PPL: variants seen among roughly 807,000 people sequenced by gnomAD.
The protein encoded by PPL is 190 kDa paraneoplastic pemphigus antigen.
PPL carries 198 observed loss-of-function variants against 194.4 expected under a neutral mutation model. That is an observed-to-expected ratio of 1.02 (90% CI 0.91 to 1.15). The LOEUF (loss-of-function observed/expected upper bound fraction) is 1.15. Ranked by LOEUF, PPL falls within the 50% of genes most tolerant of loss-of-function variation. The pLI, the probability that PPL is intolerant of heterozygous loss-of-function variation, is 0.00. For synonymous variants in PPL, 1,220 were observed against 972.4 expected, an observed-to-expected ratio of 1.25 and a Z score of -4.74; for missense variants, 2,885 against 2,294.8, an observed-to-expected ratio of 1.26 and a Z score of -5.25.
Position 4,904,012 on chromosome 16 carries a change from T to C in PPL, c.191A>G (p.Gln64Arg). The C allele has an allele frequency of 6.2e-7, 1 of 1,612,872 alleles. No homozygotes were observed. Among genetic ancestry groups the C allele is most frequent in the Non-Finnish European group, 8.5e-7 (1 of 1,179,944 alleles). ...SDLARLQEGR[Q>R]PEHRDVTLQK... ...CAGGGTCACGTCCCGGTGCTCAGGC[T>C]GCCGACCCTCCTGCAGCCGAGCCAG... Residue 64 changes from glutamine to arginine, a missense_variant, in exon 3 of 22, where the codon CAG becomes CGG. Gln to Arg is a conservative substitution (Grantham distance 43, BLOSUM62 1). Coordinates refer to ENST00000345988, the MANE Select transcript of PPL (RefSeq NM_002705.5).
intron 6 of PPL, 118 bp from the exon 7 acceptor site, chr16:4,899,502 G>GTGGCCTGAGGACAAGCCCAGCTATGGT: frequency 7.2e-7 from 1 of 1,389,802 alleles, no homozygotes; most frequent in Non-Finnish European, 9.6e-7. Context: ...CCAGCTATGG[G>GTGGCCTGAGGACAAGCCCAGCTATGGT]TGGCCTGAGG....
At chr16:4,888,696 ATGT>A (rs1457913777) in intron 19 of PPL, 4 of 458,460 alleles carry the variant, frequency 8.7e-6, no homozygotes, top group Non-Finnish European at 1.5e-5. Flanking sequence ...TGTTGCAACA[ATGT>A]TGTTTATCCT....
intron 11 of PPL, 139 bp from the exon 12 acceptor site, chr16:4,894,757 G>T: frequency 1.1e-6 from 1 of 945,966 alleles, no homozygotes. Flanking sequence ...GTGGGGAGGG[G>T]CATGCAGGAG....
intron 1 of PPL, among the ~76,000 whole-genome samples, chr16:4,924,442 CCA>C (rs1268625875): frequency 2.0e-5 from 3 of 152,144 alleles, no homozygotes; most frequent in African/African-American, 7.2e-5. Flanking sequence ...CCCGCAGTGA[CCA>C]CAGTCTCTCA....
In PPL at chr16:4,883,145, G is replaced by T; in HGVS notation, c.*239C>A. The stretch of plus-strand genomic sequence containing the variant: ...AAAGGGAGGAAAAGGCATCGCAGTT[G>T]TCCAGTCATTGGAGGATGAAGTACG... On this transcript the variant is annotated 3_prime_UTR_variant, in exon 22 of 22. Coordinates refer to ENST00000345988, the MANE Select transcript of PPL (RefSeq NM_002705.5). The surrounding 1 kb of genome is among the most constrained non-coding windows in gnomAD (Gnocchi z 4.8). The T allele has an allele frequency of 1.8e-6, 1 of 541,518 alleles. No homozygotes were observed. The highest frequency in any genetic ancestry group is 3.3e-6 in the Non-Finnish European group (1 of 304,612). 33.5% of individuals were successfully genotyped at this position (541,518 alleles called of 1,614,324 possible).
chr16:4,907,766 T>A lies in PPL; in HGVS notation c.162+3084A>T, dbSNP rs188051670. ...CAACAGAACTGGGAAATGAAATAAA[T>A]AGTAGTATCTTTAGCAAAAAGAACA... is the stretch of plus-strand genomic sequence containing the variant. On this transcript the variant is annotated intron_variant, in intron 2 of 21. Coordinates refer to ENST00000345988, the MANE Select transcript of PPL (RefSeq NM_002705.5). Among the ~76,000 whole-genome samples the A allele has an allele frequency of 4.2e-3, 640 of 152,236 alleles. 7 individuals carry two copies. The highest frequency in any genetic ancestry group is 0.015 in the African/African-American group (614 of 41,540).
chr16:4,893,308 C>T lies in PPL; in HGVS notation c.1555G>A (p.Asp519Asn). 1 of 1,607,798 alleles carries T rather than the reference C, an allele frequency of 6.2e-7. No homozygotes were observed. The highest frequency in any genetic ancestry group is 8.5e-7 in the Non-Finnish European group (1 of 1,179,350). The change falls in exon 14 of 22, where the codon GAC (aspartate) becomes AAC (asparagine). Residue 519 changes from aspartate (D) to asparagine (N), a missense_variant. Physicochemically the swap from Asp to Asn is conservative, Grantham distance 23 (BLOSUM62 1). Coordinates refer to ENST00000345988, the MANE Select transcript of PPL (RefSeq NM_002705.5). The part of the protein sequence containing the change: ...AGLDKVASDL[D>N]RQEKAITGIL... ...CCTGTGATGGCCTTCTCCTGCCGGT[C>T]CAGGTCGCTGGCCACCTTGTCCAAG... is the stretch of plus-strand genomic sequence containing the variant.
Position 4,899,257 on chromosome 16 carries a change from T to G in PPL, c.734A>C (p.Asn245Thr), listed in dbSNP as rs1373298562. The stretch of plus-strand genomic sequence containing the variant: ...GCGCCGGCGGCTGGGGTAGTCGAGG[T>G]TGCGGTCACTCCAGTCGTACTGCAT... The part of the protein sequence containing the change: ...GRMQYDWSDR[N>T]LDYPSRRRQY... The change falls in exon 7 of 22, where the codon AAC (asparagine) becomes ACC (threonine). Residue 245 changes from asparagine to threonine, a missense_variant. By Grantham distance (65) the Asn-to-Thr change is moderately conservative. Transcript: ENST00000345988. 6.2e-7 allele frequency: 1 copy of G among 1,613,776 alleles called. No individual in the cohort carries two copies. Among genetic ancestry groups the G allele is most frequent in the South Asian group, 1.1e-5 (1 of 91,066 alleles).
At chr16:4,897,901 A>C in intron 8 of PPL, 131 bp from the exon 9 acceptor site, 6 of 685,940 alleles carry the variant, frequency 8.7e-6, no homozygotes, top group Non-Finnish European at 1.5e-5. Flanking sequence ...TGTGGCTACC[A>C]CAGGGGTAGC....
rs772107224 is a variant in PPL, at chr16:4,892,029, A to G, written c.1829+6T>C. The G allele has an allele frequency of 6.2e-7, 1 of 1,612,438 alleles. No homozygotes were observed. The highest frequency in any genetic ancestry group is 2.2e-5 in the East Asian group (1 of 44,848). On this transcript the variant is annotated splice_donor_region_variant and intron_variant, in intron 15 of 21. Coordinates refer to ENST00000345988, the MANE Select transcript of PPL (RefSeq NM_002705.5). The stretch of plus-strand genomic sequence containing the variant: ...CCAACCTCCATGCTGCCTGTCTGCC[A>G]CCCACTTCTCCTGGGCCAAGTCCAG...
At chr16:4,908,012 A>G (rs78655417) in intron 2 of PPL, among the ~76,000 whole-genome samples, 11,310 of 151,816 alleles carry the variant, frequency 0.074, 441 homozygotes, top group African/African-American at 0.092. Flanking sequence ...AAATAAATAA[A>G]TTAGCTGGGC....
chr16:4,883,258 G>T lies in PPL; in HGVS notation c.*126C>A. 7.5e-7 allele frequency: 1 copy of T among 1,331,930 alleles called. No homozygotes were observed. Among genetic ancestry groups the T allele is most frequent in the Non-Finnish European group, 1.0e-6 (1 of 964,116 alleles). 82.5% of individuals were successfully genotyped at this position (1,331,930 alleles called of 1,614,324 possible). A position where few individuals can be genotyped will look rare whatever the true frequency, so the allele number is the denominator to read the frequency against. On this transcript the variant is annotated 3_prime_UTR_variant, in exon 22 of 22. Transcript: ENST00000345988. This position sits in a 1 kb window ranked among gnomAD's most constrained non-coding sequence, Gnocchi z 4.8. The stretch of plus-strand genomic sequence containing the variant: ...ATGTGGGCGGGACTCTGAGCAGCCT[G>T]GCAGCGAGGGTATGTATAAAATGCT...
At position 4,884,873 on chromosome 16, in the gene PPL, A is replaced by G. The variant is rs773973555; in HGVS notation, c.3782T>C (p.Leu1261Pro). 4 of 1,614,036 alleles carry G rather than the reference A, an allele frequency of 2.5e-6. No homozygotes were observed. Among genetic ancestry groups the G allele is most frequent in the Non-Finnish European group, 3.4e-6 (4 of 1,180,010 alleles). The stretch of plus-strand genomic sequence containing the variant: ...GATCTCTAAATCACACCTTTCGATC[A>G]GTCTGGTCTTGTCCACGATCTCCTC... ...LREEIVDKTR[L>P]IERCDLEIYQ... Residue 1261 changes from leucine (L) to proline (P), a missense_variant, in exon 22 of 22, where the codon CTG (leucine) becomes CCG (proline). Physicochemically the swap from Leu to Pro is moderately conservative, Grantham distance 98 (BLOSUM62 -3). Transcript: ENST00000345988. This position sits in a 1 kb window ranked among gnomAD's most constrained non-coding sequence, Gnocchi z 5.7.
At position 4,893,547 on chromosome 16, in the gene PPL, G is replaced by T. The variant is rs1189049056; in HGVS notation, c.1486C>A (p.Pro496Thr). Residue 496 changes from proline to threonine, a missense_variant, in exon 13 of 22, where the codon CCC becomes ACC. Transcript: ENST00000345988. ...QRYEVLKTEN[P>T]GDASDLQGRQ... is the part of the protein sequence containing the mutation. ...GAGTGGCCCTGGCACCCACCTCCGG[G>T]ATTCTCGGTCTTCAGCACCTCATAC... The T allele has an allele frequency of 1.2e-6, 2 of 1,612,462 alleles. No individual in the cohort carries two copies. Among genetic ancestry groups the T allele is most frequent in the Admixed American group, 3.3e-5 (2 of 59,970 alleles).
rs940934836 is a variant in PPL, at chr16:4,885,573, C to T, written c.3082G>A (p.Glu1028Lys). 2 of 1,611,298 alleles carry T rather than the reference C, an allele frequency of 1.2e-6. No homozygotes were observed. Among genetic ancestry groups the T allele is most frequent in the Non-Finnish European group, 8.5e-7 (1 of 1,179,926 alleles). ...TGCTGCAGGAGGAGCACCTCTGCCTCCCGGGCGCCCTTCTGCCGCCTCAGT... is the reference window on the plus strand; with the variant it reads ...TGCTGCAGGAGGAGCACCTCTGCCTTCCGGGCGCCCTTCTGCCGCCTCAGT... The part of the protein sequence containing the change: ...EALRRQKGAR[E>K]AEVLLLQQRV... Residue 1028 changes from glutamate (E) to lysine (K), a missense_variant, in exon 22 of 22, where the codon GAG becomes AAG. Transcript: ENST00000345988. The surrounding 1 kb of genome is among the most constrained non-coding windows in gnomAD (Gnocchi z 6.3).
chr16:4,895,605 G>T lies in PPL; in HGVS notation c.1084C>A (p.Arg362=), dbSNP rs141706980. 5 of 1,613,896 alleles carry T rather than the reference G, an allele frequency of 3.1e-6. No individual in the cohort carries two copies. Among genetic ancestry groups the T allele is most frequent in the Non-Finnish European group, 3.4e-6 (4 of 1,180,002 alleles). Residue 362 remains arginine (R), a synonymous_variant, in exon 10 of 22, where the codon CGG becomes AGG. Transcript: ENST00000345988. ...KDRYQIELLL[R]ELDDQEKVLD... is the part of the protein sequence containing the mutation. ...GGGCCATCGCTCACATCCAGCTCCCGCAGCAGCAGCTCAATCTGGTACCGG... is the reference window on the plus strand; with the variant it reads ...GGGCCATCGCTCACATCCAGCTCCCTCAGCAGCAGCTCAATCTGGTACCGG...
rs1294502746 is a variant in PPL, at chr16:4,885,800, T to G, written c.2855A>C (p.Gln952Pro). The G allele has an allele frequency of 1.1e-5, 17 of 1,609,204 alleles. No homozygotes were observed. The highest frequency in any genetic ancestry group is 1.4e-5 in the Non-Finnish European group (17 of 1,179,994). The change falls in exon 22 of 22, where the codon CAG (glutamine) becomes CCG (proline). Residue 952 changes from glutamine to proline, a missense_variant. Gln to Pro is a moderately conservative substitution (Grantham distance 76). Transcript: ENST00000345988. The surrounding 1 kb of genome is among the most constrained non-coding windows in gnomAD (Gnocchi z 6.3). ...CTCCTCTGCCAGCGTCCGCTGCAGC[T>G]GCTGGAAGCTCTCCTCCAGCACGGG... ...PDPVLEESFQ[Q>P]LQRTLAEEQH...
chr16:4,882,562 C>T lies in PPL; in HGVS notation c.*822G>A, dbSNP rs1027628586. ...TTATTTTCATGCTATAAATAAATTTCCCTATTAGTTCCCATTTTCTTATGT... is the reference window on the plus strand; with the variant it reads ...TTATTTTCATGCTATAAATAAATTTTCCTATTAGTTCCCATTTTCTTATGT... On this transcript the variant is annotated 3_prime_UTR_variant, in exon 22 of 22. Transcript: ENST00000345988. 6.6e-5 allele frequency: 10 copies of T among 152,260 alleles called. No homozygotes were observed. Among genetic ancestry groups the T allele is most frequent in the African/African-American group, 2.4e-4 (10 of 41,498 alleles). 9.4% of individuals were successfully genotyped at this position (152,260 alleles called of 1,614,324 possible). A position where few individuals can be genotyped will look rare whatever the true frequency, so the allele number is the denominator to read the frequency against.
In PPL at chr16:4,900,453, T is replaced by TTTTTTTTTTTTG. The variant is rs1568014932; in HGVS notation, c.606+376_606+377insCAAAAAAAAAAA. ...GCACGCCTTTTTTTTTTTTTTTTTT[T>TTTTTTTTTTTTG]TTTAAAGGCAGGGTTTTGCTCTGTT... On this transcript the variant is annotated intron_variant, in intron 6 of 21. Coordinates refer to ENST00000345988, the MANE Select transcript of PPL (RefSeq NM_002705.5). 1.6e-5 allele frequency among the ~76,000 whole-genome samples: 2 copies of TTTTTTTTTTTTG among 128,638 alleles called. 1 individual carries two copies. The highest frequency in any genetic ancestry group is 3.4e-5 in the Non-Finnish European group (2 of 58,706). 84.4% of individuals were successfully genotyped at this position (128,638 alleles called of 152,430 possible). A position where few individuals can be genotyped will look rare whatever the true frequency, so the allele number is the denominator to read the frequency against.
Sources: gnomAD v4.1 joint callset for allele counts (sites outside exome capture counted in the v4.1 genomes callset) on GRCh38, gnomAD v4.1.1 for gene constraint, Gnocchi (gnomAD v3.1) non-coding constraint, MANE v1.5 for transcripts, NCBI Gene and HGNC (gene_info 2026-07-23, HGNC 2026-07-21) for gene names.